The following LRRC27 variants were observed in gnomAD, a reference collection of about 807,000 sequenced individuals.
LRRC27 encodes leucine rich repeat containing 27, also known as leucine-rich repeat-containing protein 27.
LRRC27 carries 57 observed loss-of-function variants against 55.0 expected under a neutral mutation model. That is an observed-to-expected ratio of 1.04 (90% CI 0.84 to 1.29). The LOEUF is 1.29. LRRC27 is among the 50% of genes most tolerant of loss of function. LRRC27 has a pLI of 0.00. For synonymous variants in LRRC27, 278 were observed against 251.9 expected (o/e 1.10, Z -0.98); for missense variants, 721 against 651.5 (o/e 1.11, Z -1.16).
chr10:132,354,378 C>T (rs937426210), intron 7 of LRRC27, among the ~76,000 whole-genome samples: 2 of 152,224 alleles, frequency 1.3e-5, no homozygotes, highest in Non-Finnish European at 2.9e-5. Context: ...CACCCCTTTG[C>T]TTCCCAAGGT....
At position 132,375,191 on chromosome 10, in the gene LRRC27, AT is replaced by A. The variant is rs761680254; in HGVS notation, c.1548del (p.Phe516LeufsTer22). 2.5e-6 allele frequency: 4 copies of A among 1,614,038 alleles called. No individual in the cohort carries two copies. The South Asian group carries it at 4.4e-5, about 18-fold the overall frequency. ...GLPAAQPQNT[F>X]FNTKYGESGN... ...TGCCGGCAGCACAGCCTCAAAATAC[AT>A]TTTTTAACACAAAATATGGAGAATC... On this transcript the variant is annotated frameshift_variant, in exon 11 of 11. Transcript: ENST00000368614. LOFTEE classifies it low-confidence loss of function (END_TRUNC).
intron 3 of LRRC27, among the ~76,000 whole-genome samples, chr10:132,338,532 G>A (rs768384053): frequency 4.0e-5 from 6 of 151,888 alleles, no homozygotes; most frequent in African/African-American, 7.3e-5. Flanking sequence ...TGGTGGAAAC[G>A]TCACACCTCC....
At chr10:132,360,849 G>C (rs1448089883) in intron 8 of LRRC27, among the ~76,000 whole-genome samples, 2 of 152,194 alleles carry the variant, frequency 1.3e-5, no homozygotes, top group African/African-American at 4.8e-5. Context: ...GTTGGTTTCT[G>C]ACAGTCCCCG....
chr10:132,352,876 C>T (rs2068124444), intron 7 of LRRC27: 3 of 1,613,836 alleles, frequency 1.9e-6, no homozygotes, highest in Non-Finnish European at 2.5e-6. Context: ...TCTTGTTCTT[C>T]CTCAGTCCTT....
At position 132,348,056 on chromosome 10, in the gene LRRC27, C is replaced by T. The variant is rs12411979; in HGVS notation, c.626C>T (p.Ala209Val). 2,701 of 1,613,946 alleles carry T rather than the reference C, an allele frequency of 1.7e-3. 52 individuals are homozygous for T. In the Admixed American group the frequency reaches 0.033, roughly 20 times the overall value. ...GGACTGGAGTTGTCTGGAGACCACG[C>T]GTCTAACCAAGGAGCTGTGAACGCT... Reference protein sequence around the residue: ...SPGLELSGDHASNQGAVNAQD... With the variant: ...SPGLELSGDHVSNQGAVNAQD... Residue 209 changes from alanine to valine, a missense_variant, in exon 6 of 11, where the codon GCG (alanine) becomes GTG (valine). By Grantham distance (64) the Ala-to-Val change is moderately conservative. Transcript: ENST00000368614. This position sits in a 1 kb window ranked among gnomAD's most constrained non-coding sequence, Gnocchi z 4.2.
intron 6 of LRRC27, 30 bp from the exon 7 acceptor site, chr10:132,351,577 C>A (rs1186600695): frequency 6.2e-7 from 1 of 1,601,246 alleles, no homozygotes; most frequent in East Asian, 2.2e-5. Flanking sequence ...TTTTGTTAAA[C>A]ATTCAGCTAA....
chr10:132,351,381 C>CA (rs1442620195), intron 6 of LRRC27: 3 of 520,178 alleles, frequency 5.8e-6, no homozygotes, highest in Non-Finnish European at 1.0e-5. Flanking sequence ...AGCTGGCTGG[C>CA]AGTGGGCGCG....
At chr10:132,364,762 T>TTACACC (rs1590721945) in intron 9 of LRRC27, among the ~76,000 whole-genome samples, 17 of 1,274 alleles carry the variant, frequency 0.013, no homozygotes, top group Non-Finnish European at 0.032. Context: ...ACACTTACAC[T>TTACACC]CATGCTTACA....
At chr10:132,343,340 A>G (rs866471506) in intron 4 of LRRC27, among the ~76,000 whole-genome samples, 2 of 152,282 alleles carry the variant, frequency 1.3e-5, no homozygotes, top group African/African-American at 4.8e-5. Flanking sequence ...AACAACAACA[A>G]AAAACAAAAA....
At chr10:132,349,888 G>A (rs1027458250) in intron 6 of LRRC27, among the ~76,000 whole-genome samples, 4 of 152,206 alleles carry the variant, frequency 2.6e-5, no homozygotes, top group African/African-American at 7.2e-5. Flanking sequence ...GCTTTCCCAC[G>A]GGGTGGTTGT....
chr10:132,365,349 C>T, intron 9 of LRRC27, 75 bp from the exon 10 acceptor site: 2 of 1,584,640 alleles, frequency 1.3e-6, no homozygotes, highest in Middle Eastern at 1.7e-4. Flanking sequence ...ATGCTTTCTC[C>T]CTGGTTATGG....
In LRRC27 at chr10:132,351,638, C is replaced by T. The variant is rs368914739; in HGVS notation, c.958C>T (p.Pro320Ser). 1.1e-4 allele frequency: 177 copies of T among 1,614,020 alleles called. 1 individual carries two copies. Among genetic ancestry groups the T allele is most frequent in the Non-Finnish European group, 1.4e-4 (166 of 1,180,032 alleles). The stretch of plus-strand genomic sequence containing the variant: ...GACAGCCTCCTCCAGGAGCATCTTA[C>T]CCGACCTCTTGTCACCGTACCAAAT... ...RKTASSRSIL[P>S]DLLSPYQMAI... The change falls in exon 7 of 11, where the codon CCC becomes TCC. Residue 320 changes from proline to serine, a missense_variant. Pro to Ser is a moderately conservative substitution (Grantham distance 74). Transcript: ENST00000368614.
Position 132,379,647 on chromosome 10 carries a change from A to AT in LRRC27, c.*4411dup, listed in dbSNP as rs2069386304. 1 of 151,800 alleles carries AT rather than the reference A, an allele frequency of 6.6e-6. No homozygotes were observed. Among genetic ancestry groups the AT allele is most frequent in the Non-Finnish European group, 1.5e-5 (1 of 67,956 alleles). 9.4% of individuals were successfully genotyped at this position (151,800 alleles called of 1,614,324 possible). A position where few individuals can be genotyped will look rare whatever the true frequency, so the allele number is the denominator to read the frequency against. On this transcript the variant is annotated 3_prime_UTR_variant, in exon 11 of 11. Transcript: ENST00000368614. ...TTTTTCAGGTCTAAGGTGTCTGGTA[A>AT]TTTTTTGTGGATGCCGATTCTCTGT...
At chr10:132,367,067 ATC>A in intron 10 of LRRC27, 1 of 997,086 alleles carries the variant, frequency 1.0e-6, no homozygotes, top group Non-Finnish European at 1.2e-6. Flanking sequence ...GCTGCAAAAC[ATC>A]TGTGTCTTAA....
chr10:132,344,519 C>A lies in LRRC27; in HGVS notation c.422C>A (p.Ala141Glu). 1 of 1,613,822 alleles carries A rather than the reference C, an allele frequency of 6.2e-7. No individual in the cohort carries two copies. Among genetic ancestry groups the A allele is most frequent in the Non-Finnish European group, 8.5e-7 (1 of 1,179,784 alleles). ...VELGSVTTLKALNLRHCPLEF... is the reference protein window; with the variant it reads ...VELGSVTTLKELNLRHCPLEF... ...GCAGGGAGCGTAACCACGCTGAAAG[C>A]ACTGAACCTAAGACACTGCCCTCTG... The change falls in exon 5 of 11, where the codon GCA (alanine) becomes GAA (glutamate). Residue 141 changes from alanine to glutamate, a missense_variant. Physicochemically the swap from Ala to Glu is moderately radical, Grantham distance 107 (BLOSUM62 -1). Transcript: ENST00000368614.
At chr10:132,347,808 C>T (rs530297224) in intron 5 of LRRC27, among the ~76,000 whole-genome samples, 176 bp from the exon 6 acceptor site, 40 of 152,202 alleles carry the variant, frequency 2.6e-4, no homozygotes, top group Middle Eastern at 3.4e-3. Flanking sequence ...AGCAGGCTGG[C>T]GTGGTGCAGG....
chr10:132,337,772 T>C, intron 3 of LRRC27, 77 bp downstream of exon 3: 1 of 1,512,926 alleles, frequency 6.6e-7, no homozygotes, highest in East Asian at 2.3e-5. Flanking sequence ...TCCTTGTCCT[T>C]TACTCTTGAT....
At position 132,344,788 on chromosome 10, in the gene LRRC27, T is replaced by C; in HGVS notation, c.553+138T>C. ...TGGGTCCTCTGCTGAGTTGACACAG[T>C]GTACACTGATCTCAGGCCGACCCAG... is the stretch of plus-strand genomic sequence containing the variant. On this transcript the variant is annotated intron_variant, in intron 5 of 10. Coordinates refer to ENST00000368614, the MANE Select transcript of LRRC27 (RefSeq NM_030626.3). 4.6e-6 allele frequency: 4 copies of C among 863,190 alleles called. No individual in the cohort carries two copies. In the Admixed American group the frequency reaches 8.4e-5, roughly 18 times the overall value. The allele number at this position is 863,190 out of a possible 1,614,324, so 53.5% of individuals were successfully genotyped here.
intron 10 of LRRC27, among the ~76,000 whole-genome samples, chr10:132,371,787 C>T (rs1485657060): frequency 6.6e-6 from 1 of 152,200 alleles, no homozygotes; most frequent in Admixed American, 6.5e-5. Flanking sequence ...ACATGATGGC[C>T]GGAGCAGGGG....
Sources: gnomAD v4.1 joint callset for allele counts (sites outside exome capture counted in the v4.1 genomes callset) on GRCh38, gnomAD v4.1.1 for gene constraint, Gnocchi (gnomAD v3.1) non-coding constraint, MANE v1.5 for transcripts, NCBI Gene and HGNC (gene_info 2026-07-23, HGNC 2026-07-21) for gene names.